The following RALGAPB variants were observed in gnomAD, a reference collection of about 807,000 sequenced individuals.
The protein encoded by RALGAPB is ral GTPase-activating protein subunit beta.
Under a neutral mutation model 161.1 loss-of-function variants are expected in RALGAPB, and 25 were observed. The ratio of observed to expected loss-of-function variants is 0.16; its 90% CI spans 0.11 to 0.22. RALGAPB has a LOEUF of 0.22. Ranked by LOEUF, RALGAPB falls within the 10% of genes least tolerant of loss-of-function variation. The pLI is 1.00. For synonymous variants in RALGAPB, 629 were observed against 626.1 expected (o/e 1.00, Z -0.07); for missense variants, 1,391 against 1,815.2 (o/e 0.77, Z 4.25).
rs1276538557 is a variant in RALGAPB, at chr20:38,567,166, G to C, written c.3888G>C (p.Leu1296=). 1 of 1,613,494 alleles carries C rather than the reference G, an allele frequency of 6.2e-7. No individual in the cohort carries two copies. The highest frequency in any genetic ancestry group is 8.5e-7 in the Non-Finnish European group (1 of 1,179,724). ...DSNMDLMPGI[L]KQPSLTLELF... ...ATATGGATCTTATGCCAGGAATTCT[G>C]AAACAGCCATCCCTGACACTTGAGC... Residue 1296 remains leucine (L), a synonymous_variant, in exon 26 of 30, where the codon CTG becomes CTC. Transcript: ENST00000262879.
intron 25 of RALGAPB, 21 bp from the exon 26 acceptor site, chr20:38,567,074 CT>C (rs1555885758): frequency 1.9e-6 from 3 of 1,608,652 alleles, no homozygotes; most frequent in South Asian, 1.1e-5. Flanking sequence ...ATTATAGTTG[CT>C]TTTTTTCCTT....
rs759284107 is a variant in RALGAPB at position 38,516,329 on chromosome 20, G to A, written c.1010G>A (p.Arg337His). The A allele has an allele frequency of 5.6e-6, 9 of 1,613,726 alleles. No individual in the cohort carries two copies. The East Asian group carries it at 8.9e-5, about 16-fold the overall frequency. Residue 337 changes from arginine (R) to histidine (H), a missense_variant, in exon 7 of 30, where the codon CGT becomes CAT. Around this residue, in one of 3 missense-constraint regions of RALGAPB, gnomAD observed 946 missense variants for 1,257.2 expected, o/e 0.75. Transcript: ENST00000262879. Reference sequence around the variant, plus strand: ...AAACATCTGCCTCAAATATTTTTTCGTGCCATGCGTGGAATCAGCTGTCTG... The same window carrying A: ...AAACATCTGCCTCAAATATTTTTTCATGCCATGCGTGGAATCAGCTGTCTG... Reference protein sequence around the residue: ...CLKHLPQIFFRAMRGISCLVD... With the variant: ...CLKHLPQIFFHAMRGISCLVD...
chr20:38,561,018 G>A lies in RALGAPB; in HGVS notation c.3532-1514G>A, dbSNP rs545094715. 5.9e-5 allele frequency among the ~76,000 whole-genome samples: 9 copies of A among 152,288 alleles called. No individual in the cohort carries two copies. The East Asian group carries it at 1.7e-3, about 29-fold the overall frequency. On this transcript the variant is annotated intron_variant, in intron 23 of 29. Coordinates refer to ENST00000262879, the MANE Select transcript of RALGAPB (RefSeq NM_020336.4). ...TGAAGGGATATGGGTAAACTAAATA[G>A]GTTCACTTCAAAAGAGACTGGTTTT...
At chr20:38,523,948 T>C (rs1321470415) in intron 10 of RALGAPB, among the ~76,000 whole-genome samples, 1 of 152,208 alleles carries the variant, frequency 6.6e-6, no homozygotes, top group Non-Finnish European at 1.5e-5. Flanking sequence ...CGAGAGCCCA[T>C]TGGTTATTTG....
At chr20:38,560,196 T>G (rs1333169012) in intron 23 of RALGAPB, among the ~76,000 whole-genome samples, 1 of 152,158 alleles carries the variant, frequency 6.6e-6, no homozygotes, top group Non-Finnish European at 1.5e-5. Flanking sequence ...CTACAAGATT[T>G]CTGGCCCCCT....
At chr20:38,513,329 C>T (rs1389444466) in intron 6 of RALGAPB, among the ~76,000 whole-genome samples, 2 of 152,022 alleles carry the variant, frequency 1.3e-5, no homozygotes, top group African/African-American at 4.8e-5. Flanking sequence ...CATGGTGAAA[C>T]CCTGTCTCTA....
Position 38,531,215 on chromosome 20 carries a change from G to C in RALGAPB, c.2099G>C (p.Gly700Ala). 6.2e-7 allele frequency: 1 copy of C among 1,608,428 alleles called. No homozygotes were observed. The highest frequency in any genetic ancestry group is 2.2e-5 in the East Asian group (1 of 44,806). ...VQDSALLEAI[G>A]CQMEMGGGEN... ...GATTCAGCACTTTTGGAAGCCATTGGTTGCCAGATGGAGATGGTAAGAAGC... is the reference window on the plus strand; with the variant it reads ...GATTCAGCACTTTTGGAAGCCATTGCTTGCCAGATGGAGATGGTAAGAAGC... Residue 700 changes from glycine (G) to alanine (A), a missense_variant, in exon 14 of 30, where the codon GGT becomes GCT. Physicochemically the swap from Gly to Ala is moderately conservative, Grantham distance 60. Around this residue, in one of 3 missense-constraint regions of RALGAPB, gnomAD observed 946 missense variants for 1,257.2 expected, o/e 0.75. Transcript: ENST00000262879.
Position 38,472,991 on chromosome 20 carries a change from G to C in RALGAPB, c.-109G>C, listed in dbSNP as rs2084693690. 2.5e-6 allele frequency: 1 copy of C among 397,902 alleles called. No individual in the cohort carries two copies. 24.6% of individuals were successfully genotyped at this position (397,902 alleles called of 1,614,324 possible). ...GGTGAAAGCGCCAGCCCTATGGCGC[G>C]GGTCGCGTGAGGCGGAAGGCCGAGG... On this transcript the variant is annotated 5_prime_UTR_variant, in exon 1 of 30. Coordinates refer to ENST00000262879, the MANE Select transcript of RALGAPB (RefSeq NM_020336.4).
rs199951527 is a variant in RALGAPB, at chr20:38,517,809, T to G, written c.1226T>G (p.Val409Gly). 55 of 1,613,656 alleles carry G rather than the reference T, an allele frequency of 3.4e-5. No individual in the cohort carries two copies. The highest frequency in any genetic ancestry group is 4.2e-5 in the Non-Finnish European group (49 of 1,179,660). ...GTTAGTACTGCTCATGCCTCTAAAG[T>G]TCAGCACCAGACGTCCTCCACCTCT... ...STVSTAHASK[V>G]QHQTSSTSPL... Residue 409 changes from valine (V) to glycine (G), a missense_variant, in exon 9 of 30, where the codon GTT becomes GGT. Coordinates refer to ENST00000262879, the MANE Select transcript of RALGAPB (RefSeq NM_020336.4).
At chr20:38,511,577 A>G (rs2123044301) in intron 6 of RALGAPB, among the ~76,000 whole-genome samples, 1 of 152,234 alleles carries the variant, frequency 6.6e-6, no homozygotes, top group East Asian at 1.9e-4. Flanking sequence ...AACAAAGCAC[A>G]TCTTGCACCG....
chr20:38,544,207 C>G (rs1265987187), intron 18 of RALGAPB, among the ~76,000 whole-genome samples: 1 of 152,186 alleles, frequency 6.6e-6, no homozygotes, highest in Non-Finnish European at 1.5e-5. Context: ...TGATACTTTA[C>G]ATTGAGCTAA....
chr20:38,542,538 G>C (rs771449814), intron 18 of RALGAPB, among the ~76,000 whole-genome samples: 5 of 152,178 alleles, frequency 3.3e-5, no homozygotes, highest in Non-Finnish European at 7.3e-5. Context: ...TTATGCTGAT[G>C]ATGAATACTA....
At chr20:38,503,075 C>T (rs1449665669) in intron 5 of RALGAPB, among the ~76,000 whole-genome samples, 1 of 152,186 alleles carries the variant, frequency 6.6e-6, no homozygotes, top group South Asian at 2.1e-4. Flanking sequence ...CTGCTTCAAG[C>T]CTACAAGTGT....
chr20:38,558,304 A>C lies in RALGAPB; in HGVS notation c.3382A>C (p.Asn1128His). The C allele has an allele frequency of 6.6e-7, 1 of 1,518,410 alleles. No individual in the cohort carries two copies. Among genetic ancestry groups the C allele is most frequent in the Non-Finnish European group, 8.9e-7 (1 of 1,127,916 alleles). 94.1% of individuals were successfully genotyped at this position (1,518,410 alleles called of 1,614,324 possible). ...LSLEALKEPA[N>H]SRLPPHLIAL... ...CTTCTTTTGGTGGCAGGAACCTGCA[A>C]ATAGTCGTCTACCTCCTCACCTTAT... is the stretch of plus-strand genomic sequence containing the variant. The change falls in exon 23 of 30, where the codon AAT becomes CAT. Residue 1128 changes from asparagine to histidine, a missense_variant. By Grantham distance (68) the Asn-to-His change is moderately conservative (BLOSUM62 1). Transcript: ENST00000262879.
intron 4 of RALGAPB, 62 bp downstream of exon 4, chr20:38,497,578 T>C: frequency 6.6e-7 from 1 of 1,516,310 alleles, no homozygotes; most frequent in Non-Finnish European, 8.9e-7. Flanking sequence ...ATCTTTAAAC[T>C]CAGTGAGCGG....
At chr20:38,569,818 G>C in intron 26 of RALGAPB, 70 bp from the exon 27 acceptor site, 11 of 1,123,666 alleles carry the variant, frequency 9.8e-6, no homozygotes, top group Non-Finnish European at 1.2e-5. Flanking sequence ...GAATGACTGG[G>C]TAGTTTTATT....
Position 38,497,531 on chromosome 20 carries a change from T to G in RALGAPB, c.553+15T>G. ...AACTGTTCAAGGTTTGTTTATTTTT[T>G]TTTTTCTAATTTATTTCTGAGCTCC... On this transcript the variant is annotated intron_variant, in intron 4 of 29. Transcript: ENST00000262879. The G allele has an allele frequency of 6.3e-7, 1 of 1,591,382 alleles. No individual in the cohort carries two copies. The highest frequency in any genetic ancestry group is 1.2e-5 in the South Asian group (1 of 86,272).
In RALGAPB at chr20:38,564,796, G is replaced by A. The variant is rs2087924150; in HGVS notation, c.3698-563G>A. ...GACCAGGGATAGAAATGCCTTAAAA[G>A]CAAGAGTCCAGAGATAACGCACATG... On this transcript the variant is annotated intron_variant, in intron 24 of 29. Transcript: ENST00000262879. Among the ~76,000 whole-genome samples the A allele has an allele frequency of 2.0e-5, 3 of 152,106 alleles. No homozygotes were observed. In the South Asian group the frequency reaches 6.2e-4, roughly 32 times the overall value.
intron 1 of RALGAPB, among the ~76,000 whole-genome samples, chr20:38,486,071 G>A (rs554859449): frequency 1.4e-5 from 2 of 144,950 alleles, no homozygotes; most frequent in Admixed American, 7.4e-5. Context: ...CCGGTTTCAC[G>A]TGATTTTCCT....
Sources: gnomAD v4.1 joint callset for allele counts (sites outside exome capture counted in the v4.1 genomes callset) on GRCh38, gnomAD v4.1.1 for gene constraint, gnomAD v4.1.1 regional missense constraint, MANE v1.5 for transcripts, NCBI Gene and HGNC (gene_info 2026-07-23, HGNC 2026-07-21) for gene names.